NKAIN3: variants seen among roughly 807,000 people sequenced by gnomAD.
The protein encoded by NKAIN3 is sodium/potassium transporting ATPase interacting 3.
NKAIN3 carries 25 observed loss-of-function variants against 30.2 expected under a neutral mutation model. The ratio of observed to expected loss-of-function variants is 0.83; its 90% confidence interval spans 0.60 to 1.16. NKAIN3 has a LOEUF of 1.16. NKAIN3 is among the 50% of genes most tolerant of loss of function. The probability of loss-of-function intolerance (pLI) is 0.00; values close to 1 mark genes in which losing one functional copy is unlikely to be tolerated. For synonymous variants in NKAIN3, 91 were observed against 89.6 expected, an observed-to-expected ratio of 1.02 and a Z score of -0.09; for missense variants, 225 against 254.1, an observed-to-expected ratio of 0.89 and a Z score of 0.78.
intron 4 of NKAIN3, among the ~76,000 whole-genome samples, chr8:62,801,268 T>C (rs1416593130): frequency 6.6e-6 from 1 of 152,172 alleles, no homozygotes; most frequent in African/African-American, 2.4e-5. Context: ...AGAGCAGTGG[T>C]TCTCCCAGCA....
intron 1 of NKAIN3, among the ~76,000 whole-genome samples, chr8:62,561,573 T>G (rs1369374026): frequency 6.6e-6 from 1 of 152,184 alleles, no homozygotes; most frequent in South Asian, 2.1e-4. Context: ...TGTAAAAATC[T>G]GAAGGAGGTC....
chr8:62,605,462 G>A (rs562131854), intron 3 of NKAIN3, among the ~76,000 whole-genome samples: 280 of 151,578 alleles, frequency 1.8e-3, no homozygotes, highest in Non-Finnish European at 3.2e-3. Context: ...GTATTTACTC[G>A]GTTCAAAGCA....
chr8:62,532,412 A>C (rs1808516241), intron 1 of NKAIN3, among the ~76,000 whole-genome samples: 1 of 16,126 alleles, frequency 6.2e-5, no homozygotes, highest in Non-Finnish European at 1.4e-4. Flanking sequence ...CTTGTCCTGA[A>C]GCCCTGGCTG....
intron 5 of NKAIN3, among the ~76,000 whole-genome samples, chr8:62,919,910 T>C (rs201752096): frequency 6.6e-6 from 1 of 152,080 alleles, no homozygotes; most frequent in Non-Finnish European, 1.5e-5. Context: ...CACAGAGTTT[T>C]TTTTTTTTTT....
chr8:62,345,498 T>TATGTAC (rs1281029386), intron 1 of NKAIN3, among the ~76,000 whole-genome samples: 8 of 27,146 alleles, frequency 2.9e-4, no homozygotes, highest in Non-Finnish European at 5.0e-4. Context: ...TATACACACA[T>TATGTAC]ATATACACAT....
chr8:62,521,204 T>A lies in NKAIN3; in HGVS notation c.55-58335T>A, dbSNP rs35517832. Among the ~76,000 whole-genome samples the A allele has an allele frequency of 1.6e-3, 239 of 152,042 alleles. 1 individual carries two copies. The Middle Eastern group carries it at 0.02, about 13-fold the overall frequency. On this transcript the variant is annotated intron_variant, in intron 1 of 6. Coordinates refer to ENST00000623646, the MANE Select transcript of NKAIN3 (RefSeq NM_001304533.3). Reference sequence around the variant, plus strand: ...GAAGGATAGCGGATCGCACCAATCGTCTCTCAAGGTCTCTTCCTGCTGTGA... The same window carrying A: ...GAAGGATAGCGGATCGCACCAATCGACTCTCAAGGTCTCTTCCTGCTGTGA...
chr8:62,785,856 G>C (rs4739008), intron 4 of NKAIN3, among the ~76,000 whole-genome samples: 29,533 of 151,988 alleles, frequency 0.19, 3,297 homozygotes, highest in African/African-American at 0.29. Flanking sequence ...ATCAGAATAT[G>C]ATCCTTATTT....
intron 4 of NKAIN3, among the ~76,000 whole-genome samples, chr8:62,915,203 C>T (rs1406567491): frequency 6.6e-6 from 1 of 152,180 alleles, no homozygotes; most frequent in Non-Finnish European, 1.5e-5. Context: ...ATTTCCACGT[C>T]CTCATCTCTG....
At chr8:62,391,736 G>A (rs997471571) in intron 1 of NKAIN3, among the ~76,000 whole-genome samples, 4 of 151,990 alleles carry the variant, frequency 2.6e-5, no homozygotes, top group African/African-American at 9.7e-5. Context: ...TGGATAATAA[G>A]AAACGTTATC....
At chr8:62,739,091 AC>A (rs988936750) in intron 3 of NKAIN3, among the ~76,000 whole-genome samples, 4 of 152,126 alleles carry the variant, frequency 2.6e-5, no homozygotes, top group African/African-American at 9.7e-5. Context: ...AGGGAGGGAA[AC>A]ATCACACACC....
At chr8:62,788,592 GA>G (rs1817600113) in intron 4 of NKAIN3, among the ~76,000 whole-genome samples, 1 of 152,118 alleles carries the variant, frequency 6.6e-6, no homozygotes, top group Non-Finnish European at 1.5e-5. Flanking sequence ...TGGTGTTTTA[GA>G]CATGAAGTCC....
chr8:62,946,231 G>T (rs976269732), intron 5 of NKAIN3, among the ~76,000 whole-genome samples: 2 of 152,116 alleles, frequency 1.3e-5, no homozygotes, highest in African/African-American at 4.8e-5. Flanking sequence ...CAGGAAGGGG[G>T]TAGCACAGCC....
Position 62,971,281 on chromosome 8 carries a change from T to C in NKAIN3, c.*5874T>C, listed in dbSNP as rs2130914126. Reference sequence around the variant, plus strand: ...AGCCAAAACTTGGTCCACCCCCAACTTTGCAGTGAAGAAACCTGGGTATTA... The same window carrying C: ...AGCCAAAACTTGGTCCACCCCCAACCTTGCAGTGAAGAAACCTGGGTATTA... On this transcript the variant is annotated 3_prime_UTR_variant, in exon 7 of 7. Transcript: ENST00000623646. Among the ~76,000 whole-genome samples, 1 of 152,326 alleles carries C rather than the reference T, an allele frequency of 6.6e-6. No homozygotes were observed. The highest frequency in any genetic ancestry group is 2.1e-4 in the South Asian group (1 of 4,830).
At chr8:62,331,082 T>C (rs1815337772) in intron 1 of NKAIN3, among the ~76,000 whole-genome samples, 1 of 150,464 alleles carries the variant, frequency 6.6e-6, no homozygotes, top group Non-Finnish European at 1.5e-5. Flanking sequence ...TCTCTCTGTC[T>C]CTCTCTCTCT....
chr8:62,370,750 T>C (rs886808108), intron 1 of NKAIN3, among the ~76,000 whole-genome samples: 1 of 152,038 alleles, frequency 6.6e-6, no homozygotes, highest in African/African-American at 2.4e-5. Flanking sequence ...TAAAACATTC[T>C]GTACATCTCA....
intron 4 of NKAIN3, among the ~76,000 whole-genome samples, chr8:62,869,989 C>G (rs1477698896): frequency 6.6e-6 from 1 of 151,604 alleles, no homozygotes; most frequent in Non-Finnish European, 1.5e-5. Flanking sequence ...CCAAGATGGT[C>G]TCGATCTCCT....
At chr8:62,264,937 G>A (rs1222256092) in intron 1 of NKAIN3, among the ~76,000 whole-genome samples, 1 of 152,084 alleles carries the variant, frequency 6.6e-6, no homozygotes, top group African/African-American at 2.4e-5. Flanking sequence ...CTAGAGCAAT[G>A]TTTTATGATC....
At chr8:62,345,542 T>TAC (rs1429331890) in intron 1 of NKAIN3, among the ~76,000 whole-genome samples, 1 of 142,768 alleles carries the variant, frequency 7.0e-6, no homozygotes, top group Admixed American at 7.1e-5. Context: ...CACACATATA[T>TAC]ACACATATAT....
At chr8:62,339,194 G>C (rs1341605141) in intron 1 of NKAIN3, among the ~76,000 whole-genome samples, 1 of 152,020 alleles carries the variant, frequency 6.6e-6, no homozygotes, top group Non-Finnish European at 1.5e-5. Context: ...ACCCCAGAAT[G>C]AGTGATACCT....
Sources: gnomAD v4.1 joint callset for allele counts (sites outside exome capture counted in the v4.1 genomes callset) on GRCh38, gnomAD v4.1.1 for gene constraint, MANE v1.5 for transcripts, NCBI Gene and HGNC (gene_info 2026-07-23, HGNC 2026-07-21) for gene names.